Variants in FBXW7 observed in about 807,000 individuals in gnomAD.
FBXW7 encodes the protein F-box and WD repeat domain containing 7.
FBXW7 carries 11 observed loss-of-function variants against 86.3 expected under a neutral mutation model. That is an observed-to-expected ratio of 0.13 (90% confidence interval 0.08 to 0.21). The LOEUF is 0.21. Among genes scored for constraint, FBXW7 ranks in the 10% least tolerant of loss-of-function variants. FBXW7 has a pLI of 1.00. For synonymous variants in FBXW7, 313 were observed against 297.9 expected, an observed-to-expected ratio of 1.05 and a Z score of -0.52; for missense variants, 488 against 847.4, an observed-to-expected ratio of 0.58 and a Z score of 5.27.
At chr4:152,454,961 G>A (rs1368829192) in intron 2 of FBXW7, among the ~76,000 whole-genome samples, 3 of 151,908 alleles carry the variant, frequency 2.0e-5, no homozygotes, top group African/African-American at 7.3e-5. Flanking sequence ...AACCATTTTA[G>A]TTATAAATTA....
At chr4:152,367,483 A>G in intron 4 of FBXW7, among the ~76,000 whole-genome samples, 1 of 152,110 alleles carries the variant, frequency 6.6e-6, no homozygotes, top group Non-Finnish European at 1.5e-5. Context: ...ACTAGTTAAT[A>G]AAAAAGGGCC....
intron 2 of FBXW7, among the ~76,000 whole-genome samples, chr4:152,488,095 T>C (rs939584246): frequency 2.0e-5 from 3 of 152,086 alleles, no homozygotes; most frequent in Admixed American, 2.0e-4. Context: ...TGAACATTCT[T>C]TGGAGAATTG....
At chr4:152,520,455 A>G (rs1748913458) in intron 2 of FBXW7, among the ~76,000 whole-genome samples, 1 of 151,974 alleles carries the variant, frequency 6.6e-6, no homozygotes, top group Admixed American at 6.6e-5. Flanking sequence ...AAAAAAAAAA[A>G]AAAATCAATC....
chr4:152,431,445 A>C (rs1369754016), intron 2 of FBXW7, among the ~76,000 whole-genome samples: 4 of 152,190 alleles, frequency 2.6e-5, no homozygotes, highest in African/African-American at 9.7e-5. Flanking sequence ...TAAGGGTTTA[A>C]AGCACAGGGG....
intron 2 of FBXW7, among the ~76,000 whole-genome samples, chr4:152,519,761 C>G (rs527271192): frequency 6.6e-6 from 1 of 152,250 alleles, no homozygotes; most frequent in Admixed American, 6.5e-5. Context: ...ATCATTTTCC[C>G]CTCCTATGTC....
At chr4:152,368,397 G>A (rs549703084) in intron 4 of FBXW7, among the ~76,000 whole-genome samples, 7 of 152,072 alleles carry the variant, frequency 4.6e-5, no homozygotes, top group Non-Finnish European at 7.4e-5. Flanking sequence ...TGGGATGCCC[G>A]TGTGTGCGGA....
rs34073737 is a variant in FBXW7 at position 152,387,708 on chromosome 4, CT to C, written c.501+23594del. Among the ~76,000 whole-genome samples, 136 of 112,780 alleles carry C rather than the reference CT, an allele frequency of 1.2e-3. 1 individual carries two copies. Among genetic ancestry groups the C allele is most frequent in the African/African-American group, 4.4e-3 (123 of 28,170 alleles). The allele number at this position is 112,780 out of a possible 152,430, so 74.0% of individuals were successfully genotyped here. ...ATCAAAGAAAAAAAACATGGCATAC[CT>C]TTTTTTTTTTTTTTTTTGAGACTGA... On this transcript the variant is annotated intron_variant, in intron 4 of 13. Coordinates refer to ENST00000281708, the MANE Select transcript of FBXW7 (RefSeq NM_001349798.2).
chr4:152,373,289 T>C (rs1252674293), intron 4 of FBXW7, among the ~76,000 whole-genome samples: 1 of 152,006 alleles, frequency 6.6e-6, no homozygotes, highest in East Asian at 1.9e-4. Flanking sequence ...AGTTTATGTA[T>C]AGAAAGTAAC....
chr4:152,400,957 A>G (rs746592534), intron 4 of FBXW7, among the ~76,000 whole-genome samples: 1 of 152,216 alleles, frequency 6.6e-6, no homozygotes, highest in Middle Eastern at 3.2e-3. Flanking sequence ...TCAACATCAT[A>G]TATCACTAGG....
Position 152,463,972 on chromosome 4 carries a change from C to CA in FBXW7, c.-119-51444dup, listed in dbSNP as rs539198425. 4.0e-5 allele frequency among the ~76,000 whole-genome samples: 6 copies of CA among 151,670 alleles called. No individual in the cohort carries two copies. The South Asian group carries it at 8.3e-4, about 21-fold the overall frequency. On this transcript the variant is annotated intron_variant, in intron 2 of 13. Coordinates refer to ENST00000281708, the MANE Select transcript of FBXW7 (RefSeq NM_001349798.2). ...CAAAGGAGAAGTGAATGTTAAGCAG[C>CA]AAAAAAACAAATGCTAAAAAAGACA... is the stretch of plus-strand genomic sequence containing the variant.
In FBXW7 at chr4:152,324,414, T is replaced by C. The variant is rs752635282; in HGVS notation, c.1645-20A>G. The C allele has an allele frequency of 3.7e-5, 57 of 1,544,424 alleles. No homozygotes were observed. Among genetic ancestry groups the C allele is most frequent in the Non-Finnish European group, 4.8e-5 (55 of 1,135,822 alleles). On this transcript the variant is annotated intron_variant, in intron 12 of 13. Coordinates refer to ENST00000281708, the MANE Select transcript of FBXW7 (RefSeq NM_001349798.2). ...ATCAAACTACAAAAGACACAGTTTA[T>C]TAGAATAGAAGTATGGATACTCTTC...
intron 2 of FBXW7, among the ~76,000 whole-genome samples, chr4:152,487,873 G>A (rs1314661891): frequency 6.6e-6 from 1 of 151,944 alleles, no homozygotes; most frequent in African/African-American, 2.4e-5. Context: ...TAAAACAACC[G>A]TTTTGAAGAA....
At chr4:152,517,064 C>G (rs1748562206) in intron 2 of FBXW7, among the ~76,000 whole-genome samples, 1 of 152,204 alleles carries the variant, frequency 6.6e-6, no homozygotes, top group East Asian at 1.9e-4. Flanking sequence ...CTCAAGCGAT[C>G]CACTCGCCTC....
intron 2 of FBXW7, among the ~76,000 whole-genome samples, chr4:152,514,416 T>C (rs1361104704): frequency 6.6e-6 from 1 of 152,208 alleles, no homozygotes; most frequent in East Asian, 1.9e-4. Context: ...GTAATATGAA[T>C]TCTCAACAAG....
chr4:152,415,669 T>G (rs897323058), intron 2 of FBXW7, among the ~76,000 whole-genome samples: 1 of 152,066 alleles, frequency 6.6e-6, no homozygotes, highest in Non-Finnish European at 1.5e-5. Context: ...TAAAAGCCAA[T>G]GTCTTTTATG....
At chr4:152,410,027 T>C (rs1737790055) in intron 4 of FBXW7, among the ~76,000 whole-genome samples, 1 of 152,150 alleles carries the variant, frequency 6.6e-6, no homozygotes, top group Admixed American at 6.6e-5. Context: ...CTACAGAATA[T>C]AAGGATGACT....
At chr4:152,515,221 A>T (rs1178086982) in intron 2 of FBXW7, among the ~76,000 whole-genome samples, 2 of 152,212 alleles carry the variant, frequency 1.3e-5, no homozygotes, top group Non-Finnish European at 2.9e-5. Flanking sequence ...ATAAAAATTA[A>T]AAATAGCCTG....
chr4:152,447,046 C>G (rs141759442), intron 2 of FBXW7, among the ~76,000 whole-genome samples: 2 of 152,120 alleles, frequency 1.3e-5, no homozygotes, highest in African/African-American at 4.8e-5. Flanking sequence ...TTTAAAGTAT[C>G]TGAATTAAAG....
intron 4 of FBXW7, among the ~76,000 whole-genome samples, chr4:152,409,472 G>A (rs1350934465): frequency 6.6e-6 from 1 of 152,076 alleles, no homozygotes; most frequent in Non-Finnish European, 1.5e-5. Flanking sequence ...TTTAGGTGAA[G>A]CAGTACTCAG....
Sources: allele counts gnomAD v4.1 joint callset (sites outside exome capture counted in the v4.1 genomes callset), GRCh38; gene constraint gnomAD v4.1.1; transcripts MANE v1.5; gene names NCBI Gene and HGNC (gene_info 2026-07-23, HGNC 2026-07-21).